Variants in PXDN observed in about 807,000 individuals in gnomAD.
PXDN encodes peroxidasin.
Under a neutral mutation model 140.3 loss-of-function variants are expected in PXDN, and 77 were observed. The observed-to-expected ratio is 0.55, with a 90% CI of 0.46 to 0.66. The LOEUF is 0.66. PXDN is among the 30% of genes least tolerant of loss of function. PXDN has a pLI of 0.00. For synonymous variants in PXDN, 911 were observed against 857.4 expected (o/e 1.06, Z -1.09); for missense variants, 1,838 against 2,039.5 (o/e 0.90, Z 1.90).
At chr2:1,703,031 AG>A (rs1336834483) in intron 1 of PXDN, among the ~76,000 whole-genome samples, 2 of 43,940 alleles carry the variant, frequency 4.6e-5, no homozygotes, top group South Asian at 1.4e-3. Flanking sequence ...CTCCAGGTGA[AG>A]GGGGGGCAGC....
chr2:1,734,659 G>C (rs1353288115), intron 1 of PXDN, among the ~76,000 whole-genome samples: 1 of 152,168 alleles, frequency 6.6e-6, no homozygotes, highest in African/African-American at 2.4e-5. Flanking sequence ...ACGAGGTCAA[G>C]AGACTGAGAC....
At chr2:1,740,389 C>T (rs1017252347) in intron 1 of PXDN, among the ~76,000 whole-genome samples, 7 of 152,110 alleles carry the variant, frequency 4.6e-5, no homozygotes, top group Admixed American at 2.6e-4. Context: ...CTCACTCAGG[C>T]GACGCAGTCT....
chr2:1,652,468 A>G (rs1683035568), intron 16 of PXDN, among the ~76,000 whole-genome samples: 2 of 136,684 alleles, frequency 1.5e-5, no homozygotes, highest in Admixed American at 1.5e-4. Context: ...TACTTGTTGA[A>G]ATAACAAAAT....
chr2:1,740,157 A>AAG (rs1685507603), intron 1 of PXDN, among the ~76,000 whole-genome samples: 1 of 152,190 alleles, frequency 6.6e-6, no homozygotes, highest in African/African-American at 2.4e-5. Context: ...AGGAGGGTGC[A>AAG]GAGGAGGAGG....
intron 1 of PXDN, among the ~76,000 whole-genome samples, chr2:1,742,019 T>C (rs1290697272): frequency 6.6e-6 from 1 of 152,132 alleles, no homozygotes; most frequent in African/African-American, 2.4e-5. Context: ...TCATGACACC[T>C]GTCCACTGTG....
At chr2:1,719,218 CA>C (rs909835513) in intron 1 of PXDN, among the ~76,000 whole-genome samples, 6 of 152,152 alleles carry the variant, frequency 3.9e-5, no homozygotes, top group Non-Finnish European at 8.8e-5. Flanking sequence ...GGAACAGAGC[CA>C]GGGGAGGCAG....
chr2:1,709,080 G>GTCCCTGCGCCCTGGCTCTGA (rs1684690384), intron 1 of PXDN, among the ~76,000 whole-genome samples: 1 of 152,198 alleles, frequency 6.6e-6, no homozygotes, highest in East Asian at 1.9e-4. Context: ...GCTCCGTCTG[G>GTCCCTGCGCCCTGGCTCTGA]TCCCTGCGCC....
chr2:1,663,624 G>A lies in PXDN; in HGVS notation c.1548C>T (p.His516=), dbSNP rs2125425381. 6.2e-7 allele frequency: 1 copy of A among 1,614,014 alleles called. No individual in the cohort carries two copies. Among genetic ancestry groups the A allele is most frequent in the East Asian group, 2.2e-5 (1 of 44,888 alleles). The change falls in exon 12 of 23, where the codon CAC becomes CAT. Residue 516 remains histidine, a synonymous_variant. Coordinates refer to ENST00000252804, the MANE Select transcript of PXDN (RefSeq NM_012293.3). ...NIIGSQKVVA[H]LTVQPRVTPV... ...ACCTACCTCTGGGCTGCACAGTCAG[G>A]TGGGCCACGACCTTCTGGGAGCCGA...
chr2:1,717,126 A>T (rs1471170917), intron 1 of PXDN, among the ~76,000 whole-genome samples: 1 of 152,228 alleles, frequency 6.6e-6, no homozygotes, highest in African/African-American at 2.4e-5. Context: ...TAAAATGCTA[A>T]GGCCTCCCCA....
intron 7 of PXDN, among the ~76,000 whole-genome samples, chr2:1,677,283 C>T (rs939816915): frequency 6.6e-6 from 1 of 152,228 alleles, no homozygotes; most frequent in Non-Finnish European, 1.5e-5. Flanking sequence ...TAGAGACAGG[C>T]TGGCTCAGAG....
At chr2:1,721,690 G>C (rs1202471397) in intron 1 of PXDN, among the ~76,000 whole-genome samples, 2 of 152,196 alleles carry the variant, frequency 1.3e-5, no homozygotes, top group African/African-American at 4.8e-5. Context: ...AGCCGGGCTT[G>C]GTGGCGAGCG....
chr2:1,696,946 C>T (rs1684312867), intron 1 of PXDN, among the ~76,000 whole-genome samples: 1 of 152,196 alleles, frequency 6.6e-6, no homozygotes, highest in Non-Finnish European at 1.5e-5. Flanking sequence ...ACCCCAACTT[C>T]AAGGTCACGA....
intron 6 of PXDN, among the ~76,000 whole-genome samples, chr2:1,681,654 A>C (rs1294430235): frequency 6.6e-6 from 1 of 152,178 alleles, no homozygotes; most frequent in Non-Finnish European, 1.5e-5. Flanking sequence ...TCACGACCAG[A>C]ATCACCCTTT....
At chr2:1,706,004 G>C (rs62116624) in intron 1 of PXDN, among the ~76,000 whole-genome samples, 87,219 of 151,320 alleles carry the variant, frequency 0.58, 26,135 homozygotes, top group African/African-American at 0.76. Flanking sequence ...CTTGGACACC[G>C]TCAAGGCTAC....
chr2:1,713,938 A>G (rs1014164868), intron 1 of PXDN, among the ~76,000 whole-genome samples: 4 of 152,232 alleles, frequency 2.6e-5, no homozygotes, highest in African/African-American at 9.6e-5. Flanking sequence ...AGAGCCAGGA[A>G]GGCACAGGCT....
At chr2:1,743,766 C>T (rs1685614069) in intron 1 of PXDN, among the ~76,000 whole-genome samples, 1 of 69,888 alleles carries the variant, frequency 1.4e-5, no homozygotes, top group Admixed American at 2.1e-4. Flanking sequence ...GGACGAGGAA[C>T]GGGGCGGAGG....
At chr2:1,669,676 C>T (rs1484317608) in intron 9 of PXDN, 2 of 152,018 alleles carry the variant, frequency 1.3e-5, no homozygotes, top group Admixed American at 6.6e-5. Context: ...CCTGCCTCTA[C>T]TAAAAATACA....
At chr2:1,700,126 A>C (rs1684388766) in intron 1 of PXDN, among the ~76,000 whole-genome samples, 1 of 151,834 alleles carries the variant, frequency 6.6e-6, no homozygotes, top group Non-Finnish European at 1.5e-5. Context: ...GAGTGGCGCG[A>C]TCTCAGGTCA....
At chr2:1,673,142 C>T (rs1683615333) in intron 9 of PXDN, among the ~76,000 whole-genome samples, 1 of 152,234 alleles carries the variant, frequency 6.6e-6, no homozygotes, top group Non-Finnish European at 1.5e-5. Context: ...CACAGCTGGA[C>T]TTGATGCGGC....
Sources: allele counts gnomAD v4.1 joint callset (sites outside exome capture counted in the v4.1 genomes callset), GRCh38; gene constraint gnomAD v4.1.1; transcripts MANE v1.5; gene names NCBI Gene and HGNC (gene_info 2026-07-23, HGNC 2026-07-21).